Variants in IQCH observed in about 807,000 individuals in gnomAD.
The protein encoded by IQCH is IQ domain-containing protein H.
Under a neutral mutation model 117.0 loss-of-function variants are expected in IQCH, and 98 were observed. That is an observed-to-expected ratio of 0.84 (90% CI 0.71 to 0.99). IQCH has a LOEUF of 0.99. Among genes scored for constraint, IQCH ranks in the 50% least tolerant of loss-of-function variants. The probability of loss-of-function intolerance (pLI) is 0.00; values close to 1 mark genes in which losing one functional copy is unlikely to be tolerated. For synonymous variants in IQCH, 412 were observed against 448.2 expected (o/e 0.92, Z 1.02); for missense variants, 1,102 against 1,243.8 (o/e 0.89, Z 1.72).
chr15:67,336,331 G>A (rs1013245048), intron 4 of IQCH, among the ~76,000 whole-genome samples: 8 of 152,058 alleles, frequency 5.3e-5, no homozygotes, highest in African/African-American at 1.9e-4. Flanking sequence ...AGTATAGTTG[G>A]ACTATACAAT....
chr15:67,372,682 G>C lies in IQCH; in HGVS notation c.1305+20G>C, dbSNP rs1383817868. The C allele has an allele frequency of 6.4e-7, 1 of 1,565,026 alleles. No homozygotes were observed. The highest frequency in any genetic ancestry group is 8.6e-7 in the Non-Finnish European group (1 of 1,157,262). ...GCCAAGGTGCACAAGGCTGCCAGCTGTTAAGGCAGACCTCTTTTTCTAAAC... is the reference window on the plus strand; with the variant it reads ...GCCAAGGTGCACAAGGCTGCCAGCTCTTAAGGCAGACCTCTTTTTCTAAAC... On this transcript the variant is annotated intron_variant, in intron 9 of 20. Transcript: ENST00000335894.
intron 3 of IQCH, among the ~76,000 whole-genome samples, chr15:67,270,186 T>A (rs183763637): frequency 2.6e-5 from 4 of 152,304 alleles, no homozygotes; most frequent in East Asian, 3.9e-4. Context: ...TTTGACTTCT[T>A]CCTTTCCAAT....
rs1970493808 is a variant in IQCH at position 67,370,637 on chromosome 15, CA to C, written c.754-1472del. 6.6e-6 allele frequency among the ~76,000 whole-genome samples: 1 copy of C among 152,168 alleles called. No individual in the cohort carries two copies. Among genetic ancestry groups the C allele is most frequent in the African/African-American group, 2.4e-5 (1 of 41,444 alleles). ...GAAGAAGGAATTTATTTTCATCTAC[CA>C]AGTAGCTTGCATTCTCTTCTGGCAC... On this transcript the variant is annotated intron_variant, in intron 8 of 20. Coordinates refer to ENST00000335894, the MANE Select transcript of IQCH (RefSeq NM_001031715.3). The surrounding 1 kb of genome is among the most constrained non-coding windows in gnomAD (Gnocchi z 5.6).
In IQCH at chr15:67,463,952, C is replaced by T. The variant is rs373471060; in HGVS notation, c.2506-1175C>T. 1.4e-4 allele frequency among the ~76,000 whole-genome samples: 22 copies of T among 152,302 alleles called. 2 individuals are homozygous for T. Among genetic ancestry groups the T allele is most frequent in the Admixed American group, 3.9e-4 (6 of 15,298 alleles). The stretch of plus-strand genomic sequence containing the variant: ...CTGCCTCCTGGGTTCAAGCGATTCT[C>T]GTGCCTCAGCCTCCCAAGTATCTGA... On this transcript the variant is annotated intron_variant, in intron 16 of 20. Transcript: ENST00000335894. This position sits in a 1 kb window ranked among gnomAD's most constrained non-coding sequence, Gnocchi z 4.0.
chr15:67,303,977 A>G (rs1385154490), intron 4 of IQCH, among the ~76,000 whole-genome samples: 1 of 152,162 alleles, frequency 6.6e-6, no homozygotes, highest in Non-Finnish European at 1.5e-5. Flanking sequence ...GTGTATTTGT[A>G]GTATAGATTT....
chr15:67,397,370 G>A (rs1344551155), intron 13 of IQCH, among the ~76,000 whole-genome samples: 4 of 152,166 alleles, frequency 2.6e-5, no homozygotes, highest in African/African-American at 9.7e-5. Context: ...AACCTCCTTA[G>A]AGACACATCA....
At chr15:67,324,464 G>T (rs981147908) in intron 4 of IQCH, among the ~76,000 whole-genome samples, 10 of 151,914 alleles carry the variant, frequency 6.6e-5, no homozygotes, top group Non-Finnish European at 1.2e-4. Context: ...ATAAAAATTA[G>T]CCAGGCGTGG....
At chr15:67,264,140 C>T (rs1038035566) in intron 3 of IQCH, among the ~76,000 whole-genome samples, 1 of 152,252 alleles carries the variant, frequency 6.6e-6, no homozygotes, top group Admixed American at 6.5e-5. Flanking sequence ...GGCAGTGCCA[C>T]AGGCATCCAT....
chr15:67,268,148 T>G (rs781165155), intron 3 of IQCH, among the ~76,000 whole-genome samples: 1 of 152,156 alleles, frequency 6.6e-6, no homozygotes, highest in South Asian at 2.1e-4. Context: ...AAAGCCTAAT[T>G]GTCACAAAAG....
At chr15:67,373,818 G>C (rs1970646597) in intron 10 of IQCH, 1 of 286,166 alleles carries the variant, frequency 3.5e-6, no homozygotes, top group African/African-American at 2.3e-5. Flanking sequence ...GATATTGCTT[G>C]TACACTGTTT....
chr15:67,433,953 A>G lies in IQCH; in HGVS notation c.2505+12376A>G, dbSNP rs938733561. Among the ~76,000 whole-genome samples the G allele has an allele frequency of 1.3e-5, 2 of 152,212 alleles. No homozygotes were observed. Among genetic ancestry groups the G allele is most frequent in the African/African-American group, 4.8e-5 (2 of 41,460 alleles). ...TCTCCGATCCCAGCTTTATTGAGGT[A>G]TAACTAACCCAAAAAAAGTATTTTT... On this transcript the variant is annotated intron_variant, in intron 16 of 20. Transcript: ENST00000335894. The surrounding 1 kb of genome is among the most constrained non-coding windows in gnomAD (Gnocchi z 5.4).
chr15:67,478,535 A>C (rs2083262047), intron 18 of IQCH, among the ~76,000 whole-genome samples: 1 of 152,204 alleles, frequency 6.6e-6, no homozygotes, highest in South Asian at 2.1e-4. Flanking sequence ...CAGATGATGA[A>C]ACAATGCAAA....
At chr15:67,280,558 G>A (rs910010254) in intron 4 of IQCH, among the ~76,000 whole-genome samples, 1 of 152,156 alleles carries the variant, frequency 6.6e-6, no homozygotes, top group Non-Finnish European at 1.5e-5. Context: ...GCAAGCTCTT[G>A]TGTGTCTTTT....
chr15:67,455,117 T>C (rs2082630047), intron 16 of IQCH, among the ~76,000 whole-genome samples: 1 of 152,224 alleles, frequency 6.6e-6, no homozygotes, highest in African/African-American at 2.4e-5. Flanking sequence ...GGAGCATCTC[T>C]TATCTGTGTT....
chr15:67,478,048 G>T (rs567677798), intron 18 of IQCH, among the ~76,000 whole-genome samples: 2 of 152,300 alleles, frequency 1.3e-5, no homozygotes, highest in African/African-American at 4.8e-5. Context: ...AGAGGAGAAG[G>T]TTCTACTGAG....
intron 7 of IQCH, among the ~76,000 whole-genome samples, chr15:67,358,175 T>TTC (rs61424429): frequency 0.36 from 27,249 of 75,168 alleles, 5,229 homozygotes; most frequent in Non-Finnish European, 0.47. Flanking sequence ...TTTTTTTTTT[T>TTC]CTTTTTTAAC....
intron 3 of IQCH, among the ~76,000 whole-genome samples, chr15:67,276,596 A>AT (rs1966134167): frequency 6.6e-6 from 1 of 151,958 alleles, no homozygotes; most frequent in Non-Finnish European, 1.5e-5. Flanking sequence ...TTGAAGGATA[A>AT]TTTTTGCAGG....
chr15:67,279,607 A>C (rs1966268771), intron 4 of IQCH, 95 bp downstream of exon 4: 3 of 635,980 alleles, frequency 4.7e-6, no homozygotes, highest in Admixed American at 6.4e-5. Context: ...AATGGGTATG[A>C]AGTTTCTTTG....
In IQCH at chr15:67,395,528, C is replaced by T. The variant is rs780947039; in HGVS notation, c.1870C>T (p.Pro624Ser). Residue 624 changes from proline to serine, a missense_variant, in exon 13 of 21, where the codon CCT becomes TCT. Pro to Ser is a moderately conservative substitution (Grantham distance 74). This residue lies in a region of IQCH where 650 missense variants were observed against 794.3 expected (regional missense o/e 0.82). Coordinates refer to ENST00000335894, the MANE Select transcript of IQCH (RefSeq NM_001031715.3). This position sits in a 1 kb window ranked among gnomAD's most constrained non-coding sequence, Gnocchi z 4.0. Reference sequence around the variant, plus strand: ...CTTTGACAGTGCCAATGTGGCAGTTCCTCCTGGAATATATGATATTTATAG... The same window carrying T: ...CTTTGACAGTGCCAATGTGGCAGTTTCTCCTGGAATATATGATATTTATAG... The part of the protein sequence containing the change: ...RVFDSANVAV[P>S]PGIYDIYSQQ... The T allele has an allele frequency of 6.2e-7, 1 of 1,613,806 alleles. No individual in the cohort carries two copies. Among genetic ancestry groups the T allele is most frequent in the Admixed American group, 1.7e-5 (1 of 59,976 alleles).
Sources: gnomAD v4.1 joint callset for allele counts (sites outside exome capture counted in the v4.1 genomes callset) on GRCh38, gnomAD v4.1.1 for gene constraint, gnomAD v4.1.1 regional missense constraint, Gnocchi (gnomAD v3.1) non-coding constraint, MANE v1.5 for transcripts, NCBI Gene and HGNC (gene_info 2026-07-23, HGNC 2026-07-21) for gene names.